ENTREP2: variants seen among roughly 807,000 people sequenced by gnomAD.
The protein encoded by ENTREP2 is endosomal transmembrane epsin interactor 2.
the ENTREP2 span, among the ~76,000 whole-genome samples, chr15:29,295,392 G>A: frequency 6.6e-6 from 1 of 152,114 alleles, no homozygotes; most frequent in Admixed American, 6.5e-5. Flanking sequence ...TGACAGCCAG[G>A]CCTCTACTGA....
At chr15:29,309,131 G>T in the ENTREP2 span, among the ~76,000 whole-genome samples, 1 of 152,108 alleles carries the variant, frequency 6.6e-6, no homozygotes, top group African/African-American at 2.4e-5. Flanking sequence ...CACAGGCCCA[G>T]CTGAAAACCC....
the ENTREP2 span, among the ~76,000 whole-genome samples, chr15:29,366,824 A>C: frequency 6.6e-6 from 1 of 152,242 alleles, no homozygotes; most frequent in Admixed American, 6.5e-5. Context: ...AAACACTCCA[A>C]GATGATTAAG....
At chr15:29,137,212 CCA>C in the ENTREP2 span, 1 of 1,463,570 alleles carries the variant, frequency 6.8e-7, no homozygotes, top group Non-Finnish European at 9.0e-7. Context: ...ACAGAGACAA[CCA>C]CAGAGTTATC....
At chr15:29,216,637 C>T in the ENTREP2 span, among the ~76,000 whole-genome samples, 2 of 152,118 alleles carry the variant, frequency 1.3e-5, no homozygotes, top group Admixed American at 6.6e-5. Context: ...TACACCCGAG[C>T]GAGTTCCATG....
chr15:29,257,106 T>C, the ENTREP2 span, among the ~76,000 whole-genome samples: 1 of 151,678 alleles, frequency 6.6e-6, no homozygotes, highest in African/African-American at 2.4e-5. Context: ...GGAGTTTCAC[T>C]CTTGTTGTGC....
chr15:29,354,339 G>T, the ENTREP2 span, among the ~76,000 whole-genome samples: 1 of 152,180 alleles, frequency 6.6e-6, no homozygotes, highest in Non-Finnish European at 1.5e-5. Flanking sequence ...ATGGCAGATT[G>T]TGGGACTTCT....
At chr15:29,669,181 C>T in the ENTREP2 span, among the ~76,000 whole-genome samples, 1 of 152,170 alleles carries the variant, frequency 6.6e-6, no homozygotes, top group Admixed American at 6.5e-5. Context: ...GAACTCCAGC[C>T]TGGGCAACAG....
the ENTREP2 span, among the ~76,000 whole-genome samples, chr15:29,669,811 C>T: frequency 6.6e-6 from 1 of 152,172 alleles, no homozygotes; most frequent in Non-Finnish European, 1.5e-5. Flanking sequence ...ATGACATGCT[C>T]ATTTCAATGA....
chr15:29,657,692 A>G, the ENTREP2 span, among the ~76,000 whole-genome samples: 1 of 151,974 alleles, frequency 6.6e-6, no homozygotes, highest in African/African-American at 2.4e-5. Context: ...GCATTTTACA[A>G]TCCTCTTGTG....
At chr15:29,370,650 T>A in the ENTREP2 span, among the ~76,000 whole-genome samples, 2 of 151,992 alleles carry the variant, frequency 1.3e-5, no homozygotes, top group Non-Finnish European at 2.9e-5. Context: ...AGTCTAAAAC[T>A]ATAGATACCC....
chr15:29,459,239 A>G, the ENTREP2 span, among the ~76,000 whole-genome samples: 3 of 152,310 alleles, frequency 2.0e-5, no homozygotes, highest in Admixed American at 6.5e-5. Context: ...GCTGTTTCTT[A>G]AGAATGCAGT....
At chr15:29,644,865 A>C in the ENTREP2 span, among the ~76,000 whole-genome samples, 5 of 151,488 alleles carry the variant, frequency 3.3e-5, no homozygotes, top group Admixed American at 3.3e-4. Context: ...AAAGTAAAGA[A>C]GAAAAATAAA....
the ENTREP2 span, among the ~76,000 whole-genome samples, chr15:29,656,225 C>T: frequency 1.7e-4 from 25 of 150,002 alleles, no homozygotes; most frequent in Non-Finnish European, 2.7e-4. Context: ...GAAATGTTAA[C>T]GGAATTTTTT....
the ENTREP2 span, among the ~76,000 whole-genome samples, chr15:29,638,352 G>A: frequency 6.6e-6 from 1 of 152,162 alleles, no homozygotes; most frequent in African/African-American, 2.4e-5. Flanking sequence ...GATTCCAAGG[G>A]CATAGTCCCT....
the ENTREP2 span, among the ~76,000 whole-genome samples, chr15:29,183,810 G>C: frequency 2.6e-5 from 4 of 152,170 alleles, no homozygotes; most frequent in South Asian, 6.2e-4. Context: ...GACAGAGGGA[G>C]GGACAGAGAG....
the ENTREP2 span, among the ~76,000 whole-genome samples, chr15:29,365,686 T>A: frequency 6.6e-6 from 1 of 152,094 alleles, no homozygotes. Context: ...GAGCCGCTTT[T>A]AGTATTTCTG....
the ENTREP2 span, among the ~76,000 whole-genome samples, chr15:29,672,232 C>T: frequency 1.3e-5 from 2 of 152,290 alleles, no homozygotes; most frequent in South Asian, 4.1e-4. Context: ...AAGTGATTCA[C>T]CCGCCTTGGC....
At chr15:29,631,623 G>C in the ENTREP2 span, among the ~76,000 whole-genome samples, 1 of 152,234 alleles carries the variant, frequency 6.6e-6, no homozygotes, top group Non-Finnish European at 1.5e-5. Context: ...TTACCTTTGG[G>C]TTGATCAGCT....
At chr15:29,150,034 G>A in the ENTREP2 span, among the ~76,000 whole-genome samples, 2 of 152,200 alleles carry the variant, frequency 1.3e-5, no homozygotes, top group Non-Finnish European at 2.9e-5. Flanking sequence ...AGCCCACCGC[G>A]TCTGCAGACA....
Sources: allele counts gnomAD v4.1 joint callset (sites outside exome capture counted in the v4.1 genomes callset), GRCh38; gene constraint gnomAD v4.1.1; transcripts MANE v1.5; gene names NCBI Gene and HGNC (gene_info 2026-07-23, HGNC 2026-07-21).